The following CHD9 variants were observed in gnomAD, a reference collection of about 807,000 sequenced individuals.
CHD9 encodes chromodomain helicase DNA binding protein 9.
CHD9 carries 77 observed loss-of-function variants against 316.1 expected under a neutral mutation model. The observed-to-expected ratio is 0.24, with a 90% CI of 0.20 to 0.29. The LOEUF (loss-of-function observed/expected upper bound fraction) is 0.29. Ranked by LOEUF, CHD9 falls within the 10% of genes least tolerant of loss-of-function variation. The pLI is 1.00. For synonymous variants in CHD9, 1,129 were observed against 1,158.3 expected, an observed-to-expected ratio of 0.97 and a Z score of 0.51; for missense variants, 2,763 against 3,438.1, an observed-to-expected ratio of 0.80 and a Z score of 4.91.
chr16:53,283,569 TCTC>T (rs1170277741), intron 24 of CHD9, among the ~76,000 whole-genome samples: 1 of 152,208 alleles, frequency 6.6e-6, no homozygotes, highest in East Asian at 1.9e-4. Context: ...CCACTTTTTT[TCTC>T]CTCTGGGATT....
At chr16:53,195,553 T>C (rs1330325541) in intron 2 of CHD9, among the ~76,000 whole-genome samples, 1 of 152,088 alleles carries the variant, frequency 6.6e-6, no homozygotes, top group Non-Finnish European at 1.5e-5. Context: ...GGGTCTAGGC[T>C]TATGAGATTG....
At chr16:53,060,594 CAA>C (rs892876109) in intron 1 of CHD9, among the ~76,000 whole-genome samples, 1 of 151,882 alleles carries the variant, frequency 6.6e-6, no homozygotes, top group African/African-American at 2.4e-5. Flanking sequence ...CCCATATCTA[CAA>C]AAAAATGAAA....
At chr16:53,242,627 A>G (rs2049202901) in intron 12 of CHD9, among the ~76,000 whole-genome samples, 1 of 152,222 alleles carries the variant, frequency 6.6e-6, no homozygotes, top group South Asian at 2.1e-4. Flanking sequence ...TATGAATAAT[A>G]TAATTATGTT....
intron 2 of CHD9, among the ~76,000 whole-genome samples, chr16:53,175,579 T>C (rs956224385): frequency 7.2e-5 from 11 of 152,258 alleles, no homozygotes; most frequent in African/African-American, 2.7e-4. Context: ...TAATGTTTCA[T>C]AATATGGAAT....
chr16:53,307,888 T>C lies in CHD9; in HGVS notation c.6988T>C (p.Ser2330Pro), dbSNP rs139704369. The stretch of plus-strand genomic sequence containing the variant: ...CGGTGTTAAAGAAGAACATGATCAG[T>C]CAACACAGATGTCAAAGGTGAAGAA... ...GAGVKEEHDQ[S>P]TQMSKVKKHV... Residue 2330 changes from serine (S) to proline (P), a missense_variant, in exon 33 of 39, where the codon TCA becomes CCA. Ser to Pro is a moderately conservative substitution (Grantham distance 74). Transcript: ENST00000447540. 8.2e-4 allele frequency: 1,330 copies of C among 1,613,702 alleles called. 8 individuals carry two copies. In the African/African-American group the frequency reaches 0.015, roughly 18 times the overall value.
chr16:53,310,058 T>C (rs535151474), intron 34 of CHD9, among the ~76,000 whole-genome samples: 7 of 152,354 alleles, frequency 4.6e-5, no homozygotes, highest in East Asian at 3.9e-4. Context: ...TGTCTTGAAC[T>C]GATCACTATT....
rs35052198 is a variant in CHD9, at chr16:53,088,275, C to CTTTTT, written c.-165+33201_-165+33202insTTTTT. Among the ~76,000 whole-genome samples, 267 of 127,046 alleles carry CTTTTT rather than the reference C, an allele frequency of 2.1e-3. 44 individuals carry two copies. Among genetic ancestry groups the CTTTTT allele is most frequent in the Non-Finnish European group, 2.9e-3 (182 of 62,088 alleles). The allele number at this position is 127,046 out of a possible 152,430, so 83.3% of individuals were successfully genotyped here. On this transcript the variant is annotated intron_variant, in intron 1 of 38. Transcript: ENST00000447540. The stretch of plus-strand genomic sequence containing the variant: ...CTGTAATCAAGGAAAATGACATGCA[C>CTTTTT]TTTGTTTTTTTTTTTTTTTTGAGAT...
At chr16:53,120,676 C>T (rs8049859) in intron 1 of CHD9, among the ~76,000 whole-genome samples, 39,593 of 151,954 alleles carry the variant, frequency 0.26, 5,864 homozygotes, top group Middle Eastern at 0.38. Context: ...TTCCATCACT[C>T]CTTAGGCTAA....
At chr16:53,058,784 C>T (rs552913103) in intron 1 of CHD9, among the ~76,000 whole-genome samples, 3 of 152,338 alleles carry the variant, frequency 2.0e-5, no homozygotes, top group African/African-American at 4.8e-5. Context: ...CAACACCCCC[C>T]ACCCTCCAAC....
chr16:53,101,402 G>A (rs985926342), intron 1 of CHD9, among the ~76,000 whole-genome samples: 1 of 151,504 alleles, frequency 6.6e-6, no homozygotes, highest in Non-Finnish European at 1.5e-5. Context: ...AGCCTCCTGA[G>A]TAGCTGGGAC....
At chr16:53,305,782 A>G (rs2055909928) in intron 31 of CHD9, among the ~76,000 whole-genome samples, 2 of 152,182 alleles carry the variant, frequency 1.3e-5, no homozygotes, top group Non-Finnish European at 2.9e-5. Flanking sequence ...TAACAACTCC[A>G]TAGGCATAAC....
chr16:53,260,217 G>A (rs914506383), intron 19 of CHD9, among the ~76,000 whole-genome samples: 2 of 152,158 alleles, frequency 1.3e-5, no homozygotes, highest in African/African-American at 4.8e-5. Flanking sequence ...GGTGGCACAC[G>A]CCTCTAATTC....
intron 1 of CHD9, among the ~76,000 whole-genome samples, chr16:53,139,242 G>C (rs8055523): frequency 6.6e-6 from 1 of 151,940 alleles, no homozygotes; most frequent in Non-Finnish European, 1.5e-5. Context: ...GTGAAGGCTT[G>C]AGGGGAGAGA....
chr16:53,189,401 T>G (rs946271184), intron 2 of CHD9, among the ~76,000 whole-genome samples: 2 of 152,076 alleles, frequency 1.3e-5, no homozygotes, highest in Non-Finnish European at 2.9e-5. Flanking sequence ...GTCAGATTCT[T>G]TTTCTTCATC....
chr16:53,143,960 A>AT (rs757722588), intron 1 of CHD9, among the ~76,000 whole-genome samples: 49 of 151,404 alleles, frequency 3.2e-4, no homozygotes, highest in Non-Finnish European at 5.5e-4. Context: ...TGACCCAAAC[A>AT]TTTTTTTTTC....
chr16:53,115,465 A>T (rs536165719), intron 1 of CHD9, among the ~76,000 whole-genome samples: 1 of 152,342 alleles, frequency 6.6e-6, no homozygotes, highest in Non-Finnish European at 1.5e-5. Flanking sequence ...TCCTAATCTT[A>T]TTCTATTAGG....
intron 1 of CHD9, chr16:53,122,110 C>T (rs188596469): frequency 7.0e-4 from 107 of 152,224 alleles, no homozygotes; most frequent in African/African-American, 2.3e-3. Context: ...AGTGAAAGAA[C>T]ATTTTCATTA....
At chr16:53,127,256 C>T (rs1272633318) in intron 1 of CHD9, among the ~76,000 whole-genome samples, 1 of 152,244 alleles carries the variant, frequency 6.6e-6, no homozygotes. Flanking sequence ...GCCACCACAT[C>T]CAGCTAGTTT....
rs192971430 is a variant in CHD9 at position 53,254,982 on chromosome 16, G to A, written c.4029+377G>A. Among the ~76,000 whole-genome samples, 46 of 151,040 alleles carry A rather than the reference G, an allele frequency of 3.0e-4. No individual in the cohort carries two copies. The East Asian group carries it at 5.4e-3, about 18-fold the overall frequency. The stretch of plus-strand genomic sequence containing the variant: ...ATGATGACATTTTGGCTTTTTTTTC[G>A]CTCAAGGTTCTTGCCTAATATCTAT... On this transcript the variant is annotated intron_variant, in intron 18 of 38. Coordinates refer to ENST00000447540, the MANE Select transcript of CHD9 (RefSeq NM_001308319.2).
Sources: gnomAD v4.1 joint callset for allele counts (sites outside exome capture counted in the v4.1 genomes callset) on GRCh38, gnomAD v4.1.1 for gene constraint, MANE v1.5 for transcripts, NCBI Gene and HGNC (gene_info 2026-07-23, HGNC 2026-07-21) for gene names.